The following PDE8A variants were observed in gnomAD, a reference collection of about 807,000 sequenced individuals.
PDE8A encodes the protein high affinity cAMP-specific and IBMX-insensitive 3',5'-cyclic phosphodiesterase 8A.
In PDE8A, 59 loss-of-function variants were observed where a neutral mutation model predicts 105.0. That is an observed-to-expected ratio of 0.56 (90% CI 0.46 to 0.70). The LOEUF is 0.70. Ranked by LOEUF, PDE8A falls within the 30% of genes least tolerant of loss-of-function variation. The pLI, the probability that PDE8A is intolerant of heterozygous loss-of-function variation, is 0.00. For synonymous variants in PDE8A, 355 were observed against 371.9 expected (o/e 0.95, Z 0.52); for missense variants, 1,014 against 1,045.9 (o/e 0.97, Z 0.42).
At chr15:85,070,116 G>A (rs1435042543) in intron 3 of PDE8A, among the ~76,000 whole-genome samples, 3 of 152,040 alleles carry the variant, frequency 2.0e-5, no homozygotes, top group African/African-American at 4.8e-5. Flanking sequence ...GCAGAATTCT[G>A]TCCTTCCCTT....
At chr15:85,052,808 G>A (rs2080998048) in intron 1 of PDE8A, among the ~76,000 whole-genome samples, 1 of 152,084 alleles carries the variant, frequency 6.6e-6, no homozygotes, top group African/African-American at 2.4e-5. Context: ...CTTTTGCTGT[G>A]CAGAAGCTCT....
intron 1 of PDE8A, among the ~76,000 whole-genome samples, chr15:85,024,871 C>CT (rs1382402636): frequency 6.6e-6 from 1 of 152,182 alleles, no homozygotes; most frequent in African/African-American, 2.4e-5. Flanking sequence ...GTTAGTCATT[C>CT]TTTTGAACAG....
chr15:85,077,042 C>T (rs2081390767), intron 5 of PDE8A, among the ~76,000 whole-genome samples: 2 of 152,036 alleles, frequency 1.3e-5, no homozygotes, highest in African/African-American at 4.8e-5. Context: ...AAATTACTGT[C>T]CTTGTTTTAC....
upstream of PDE8A, among the ~76,000 whole-genome samples, chr15:84,981,209 C>T (rs1353870109): frequency 6.6e-6 from 1 of 152,242 alleles, no homozygotes; most frequent in East Asian, 1.9e-4. Flanking sequence ...CTCTTTCCTT[C>T]TCTGGGTAGC....
chr15:84,982,325 C>G lies in PDE8A; in HGVS notation c.163C>G (p.Leu55Val), dbSNP rs11540803. 0.091 allele frequency: 120,683 copies of G among 1,327,742 alleles called. 6,037 individuals carry two copies. The highest frequency in any genetic ancestry group is 0.11 in the Middle Eastern group (441 of 3,974). The allele number at this position is 1,327,742 out of a possible 1,614,324, so 82.2% of individuals were successfully genotyped here. A position where few individuals can be genotyped will look rare whatever the true frequency, so the allele number is the denominator to read the frequency against. ...TRGAGLLESE[L>V]RDGSGKKVAV... is the part of the protein sequence containing the mutation. ...CGGCGCCGGCCTCTTGGAGTCGGAGCTTCGCGACGGCAGCGGCAAGAAGGT... is the reference window on the plus strand; with the variant it reads ...CGGCGCCGGCCTCTTGGAGTCGGAGGTTCGCGACGGCAGCGGCAAGAAGGT... The change falls in exon 1 of 22, where the codon CTT becomes GTT. Residue 55 changes from leucine (L) to valine (V), a missense_variant. Coordinates refer to ENST00000394553, the MANE Select transcript of PDE8A (RefSeq NM_002605.3).
chr15:85,118,620 C>T (rs1156662539), intron 17 of PDE8A, among the ~76,000 whole-genome samples: 2 of 152,248 alleles, frequency 1.3e-5, no homozygotes, highest in African/African-American at 4.8e-5. Flanking sequence ...CAGCTCTCCA[C>T]ACTCACCTCA....
At chr15:84,999,996 AC>A (rs1455415128) in intron 1 of PDE8A, among the ~76,000 whole-genome samples, 1 of 152,212 alleles carries the variant, frequency 6.6e-6, no homozygotes, top group Non-Finnish European at 1.5e-5. Context: ...TTGCTGCAAT[AC>A]AGTTAAAAAG....
chr15:85,109,176 G>A, intron 12 of PDE8A, 46 bp downstream of exon 12: 1 of 1,307,268 alleles, frequency 7.6e-7, no homozygotes, highest in Non-Finnish European at 1.1e-6. Context: ...AATCACTGTT[G>A]AACACATGGA....
chr15:85,032,599 G>C (rs1437446367), intron 1 of PDE8A, among the ~76,000 whole-genome samples: 1 of 152,042 alleles, frequency 6.6e-6, no homozygotes. Context: ...TGGTTTATGG[G>C]ATTGTTTATT....
chr15:85,119,634 T>C (rs1302335632), intron 17 of PDE8A, among the ~76,000 whole-genome samples: 7 of 152,100 alleles, frequency 4.6e-5, no homozygotes, highest in Admixed American at 4.6e-4. Context: ...AAAATGATCT[T>C]ATACTGGGAC....
chr15:85,078,097 A>G (rs2141486699), intron 5 of PDE8A, among the ~76,000 whole-genome samples: 1 of 151,358 alleles, frequency 6.6e-6, no homozygotes, highest in African/African-American at 2.4e-5. Context: ...ATTCTGACAT[A>G]TCCAAAGTAG....
chr15:85,137,884 T>C lies in PDE8A; in HGVS notation c.2471T>C (p.Leu824Pro). The change falls in exon 22 of 22, where the codon CTC becomes CCC. Residue 824 changes from leucine (L) to proline (P), a missense_variant. Leu to Pro is a moderately conservative substitution (Grantham distance 98). Transcript: ENST00000394553. ...KGLDEMKLRN[L>P]RPPPE ...CTGGACGAAATGAAGCTGCGGAACC[T>C]CCGACCACCTCCTGAATAGTGGGAG... is the stretch of plus-strand genomic sequence containing the variant. The C allele has an allele frequency of 1.2e-6, 2 of 1,606,670 alleles. No homozygotes were observed. The highest frequency in any genetic ancestry group is 1.3e-5 in the African/African-American group (1 of 74,902).
At chr15:84,986,333 C>A (rs1197301702) in intron 1 of PDE8A, among the ~76,000 whole-genome samples, 5 of 152,176 alleles carry the variant, frequency 3.3e-5, no homozygotes, top group African/African-American at 4.8e-5. Flanking sequence ...TGTCAGCACT[C>A]ACTTAAAATC....
In PDE8A at chr15:84,982,281, C is replaced by T; in HGVS notation, c.119C>T (p.Ala40Val). Residue 40 changes from alanine to valine, a missense_variant, in exon 1 of 22, where the codon GCC becomes GTC. Coordinates refer to ENST00000394553, the MANE Select transcript of PDE8A (RefSeq NM_002605.3). ...CGCCTCCCGCAGGGCCAGAAGACGG[C>T]CGCCTTGCCCCGGACCCGCGGCGCC... ...GPRLPQGQKTAALPRTRGAGL... is the reference protein window; with the variant it reads ...GPRLPQGQKTVALPRTRGAGL... 5 of 1,406,706 alleles carry T rather than the reference C, an allele frequency of 3.6e-6. No individual in the cohort carries two copies. The highest frequency in any genetic ancestry group is 4.6e-6 in the Non-Finnish European group (5 of 1,090,644). The allele number at this position is 1,406,706 out of a possible 1,614,324, so 87.1% of individuals were successfully genotyped here.
intron 2 of PDE8A, among the ~76,000 whole-genome samples, chr15:85,066,736 C>T (rs369107040): frequency 3.3e-5 from 5 of 151,864 alleles, no homozygotes; most frequent in Admixed American, 1.3e-4. Flanking sequence ...GCCAGGAGTT[C>T]GAAATCAGCC....
rs547483033 is a variant in PDE8A at position 85,100,210 on chromosome 15, C to T, written c.1036+12C>T. On this transcript the variant is annotated intron_variant, in intron 11 of 21. Coordinates refer to ENST00000394553, the MANE Select transcript of PDE8A (RefSeq NM_002605.3). ...TGACACTCATACAGGTACGGTGCCC[C>T]GTATTTATTCTTAGAGTTCATTGAG... The T allele has an allele frequency of 1.2e-5, 19 of 1,604,062 alleles. No homozygotes were observed. The highest frequency in any genetic ancestry group is 6.7e-5 in the African/African-American group (5 of 74,796).
At chr15:85,043,956 C>T (rs1279110985) in intron 1 of PDE8A, among the ~76,000 whole-genome samples, 1 of 152,178 alleles carries the variant, frequency 6.6e-6, no homozygotes, top group East Asian at 1.9e-4. Flanking sequence ...CTTGGCCTCC[C>T]AAAGTGCTGG....
intron 12 of PDE8A, among the ~76,000 whole-genome samples, chr15:85,110,489 T>G (rs2082005424): frequency 6.6e-6 from 1 of 152,240 alleles, no homozygotes; most frequent in African/African-American, 2.4e-5. Flanking sequence ...CAACCATTGA[T>G]GGCTAGCACC....
At chr15:85,037,126 C>T (rs1410945451) in intron 1 of PDE8A, among the ~76,000 whole-genome samples, 3 of 150,248 alleles carry the variant, frequency 2.0e-5, no homozygotes, top group Non-Finnish European at 4.4e-5. Flanking sequence ...AGTGCAATGG[C>T]GCAATCTTGG....
Sources: allele counts gnomAD v4.1 joint callset (sites outside exome capture counted in the v4.1 genomes callset), GRCh38; gene constraint gnomAD v4.1.1; transcripts MANE v1.5; gene names NCBI Gene and HGNC (gene_info 2026-07-23, HGNC 2026-07-21).